The following MEF2A variants were observed in gnomAD, a reference collection of about 807,000 sequenced individuals.
MEF2A encodes the protein myocyte-specific enhancer factor 2A.
In MEF2A, 28 loss-of-function variants were observed where a neutral mutation model predicts 55.8. The observed-to-expected ratio is 0.50, with a 90% CI of 0.37 to 0.69. The LOEUF is 0.69. MEF2A is among the 30% of genes least tolerant of loss of function. The probability of loss-of-function intolerance (pLI) is 0.00; values close to 1 mark genes in which losing one functional copy is unlikely to be tolerated. For synonymous variants in MEF2A, 239 were observed against 227.1 expected, an observed-to-expected ratio of 1.05 and a Z score of -0.47; for missense variants, 528 against 626.2, an observed-to-expected ratio of 0.84 and a Z score of 1.67.
chr15:99,696,450 G>A (rs1407047673), intron 8 of MEF2A, among the ~76,000 whole-genome samples: 5 of 152,054 alleles, frequency 3.3e-5, no homozygotes, highest in African/African-American at 7.2e-5. Context: ...TAACAGAAAG[G>A]TAGTAGGAAA....
intron 2 of MEF2A, among the ~76,000 whole-genome samples, chr15:99,625,407 A>T (rs2041899212): frequency 6.6e-6 from 1 of 152,168 alleles, no homozygotes. Context: ...GACAAAAGAC[A>T]TCATGTCATC....
rs747167624 is a variant in MEF2A, at chr15:99,698,415, T to G, written c.859-4947T>G. 2.0e-5 allele frequency among the ~76,000 whole-genome samples: 3 copies of G among 152,332 alleles called. No individual in the cohort carries two copies. The East Asian group carries it at 5.8e-4, about 29-fold the overall frequency. ...GATGGCAAATAAGTGTATGAAAATA[T>G]GCTCAATATTATCAGGCTTAGGGAA... On this transcript the variant is annotated intron_variant, in intron 8 of 11. Transcript: ENST00000557942.
intron 8 of MEF2A, among the ~76,000 whole-genome samples, chr15:99,691,662 C>T (rs1018295501): frequency 1.3e-5 from 2 of 151,956 alleles, no homozygotes; most frequent in African/African-American, 2.4e-5. Flanking sequence ...CACACCACTG[C>T]ACTCCAGCCT....
chr15:99,651,856 A>T (rs1307859920), intron 4 of MEF2A, among the ~76,000 whole-genome samples: 2 of 152,220 alleles, frequency 1.3e-5, no homozygotes, highest in Non-Finnish European at 2.9e-5. Context: ...ATTGATACAC[A>T]AATGAGAGTT....
chr15:99,657,379 GA>G (rs2047916104), intron 4 of MEF2A: 1 of 151,598 alleles, frequency 6.6e-6, no homozygotes, highest in African/African-American at 2.4e-5. Flanking sequence ...GAAAATGGTT[GA>G]TTTTTTTTAA....
At position 99,712,991 on chromosome 15, in the gene MEF2A, G is replaced by A. The variant is rs555167296; in HGVS notation, c.*220G>A. The A allele has an allele frequency of 8.6e-6, 5 of 579,390 alleles. No homozygotes were observed. In the South Asian group the frequency reaches 1.3e-4, roughly 15 times the overall value. The allele number at this position is 579,390 out of a possible 1,614,324, so 35.9% of individuals were successfully genotyped here. ...GCAAACTCCTTGTAGGTCTGCAGAT[G>A]TGTGTCCCATGGCAGACAAAGCACC... On this transcript the variant is annotated 3_prime_UTR_variant, in exon 12 of 12. Coordinates refer to ENST00000557942, the MANE Select transcript of MEF2A (RefSeq NM_001319206.4). The surrounding 1 kb of genome is among the most constrained non-coding windows in gnomAD (Gnocchi z 4.1).
intron 2 of MEF2A, among the ~76,000 whole-genome samples, chr15:99,604,251 GTTT>G (rs1974299770): frequency 6.6e-6 from 1 of 151,990 alleles, no homozygotes; most frequent in African/African-American, 2.4e-5. Flanking sequence ...CTTACTCCAG[GTTT>G]TTGTTTTTGT....
intron 3 of MEF2A, among the ~76,000 whole-genome samples, chr15:99,641,610 C>CT (rs2044965064): frequency 6.6e-6 from 1 of 152,106 alleles, no homozygotes; most frequent in African/African-American, 2.4e-5. Context: ...GTAGTCCCAG[C>CT]TACTCGGGAG....
At chr15:99,665,169 G>C (rs938443173) in intron 4 of MEF2A, among the ~76,000 whole-genome samples, 10 of 152,148 alleles carry the variant, frequency 6.6e-5, no homozygotes. Flanking sequence ...TCAAAGAAAC[G>C]GAAGTGGATG....
chr15:99,656,921 A>G (rs1436581638), intron 4 of MEF2A, among the ~76,000 whole-genome samples: 1 of 152,002 alleles, frequency 6.6e-6, no homozygotes, highest in Non-Finnish European at 1.5e-5. Flanking sequence ...ATTTTCATCA[A>G]TCCGAAAAGA....
chr15:99,702,576 T>C (rs1273784754), intron 8 of MEF2A, among the ~76,000 whole-genome samples: 1 of 151,964 alleles, frequency 6.6e-6, no homozygotes, highest in Non-Finnish European at 1.5e-5. Flanking sequence ...TATAGGCACC[T>C]GCCACCGCAC....
Position 99,712,540 on chromosome 15 carries a change from G to GCCGCCACCACCGCAGCCC in MEF2A, c.1289_1306dup (p.Pro430_Pro435dup). ...AGCAGCAGCAGCAGCAGCAGCAGCCGCCGCCACCACCGCAGCCCCAGCCAC... is the reference window on the plus strand; with the variant it reads ...AGCAGCAGCAGCAGCAGCAGCAGCCGCCGCCACCACCGCAGCCCCCGCCACCACCGCAGCCCCAGCCAC... On this transcript the variant is annotated inframe_insertion, in exon 12 of 12. Transcript: ENST00000557942. This position sits in a 1 kb window ranked among gnomAD's most constrained non-coding sequence, Gnocchi z 4.1. 1 of 1,547,440 alleles carries GCCGCCACCACCGCAGCCC rather than the reference G, an allele frequency of 6.5e-7. No individual in the cohort carries two copies. Among genetic ancestry groups the GCCGCCACCACCGCAGCCC allele is most frequent in the South Asian group, 1.2e-5 (1 of 83,900 alleles).
chr15:99,646,014 C>T (rs1241398343), intron 4 of MEF2A, among the ~76,000 whole-genome samples: 3 of 152,092 alleles, frequency 2.0e-5, no homozygotes, highest in Non-Finnish European at 4.4e-5. Context: ...AACATTTCAT[C>T]TATGATTACT....
chr15:99,659,842 T>G (rs1339835638), intron 4 of MEF2A, among the ~76,000 whole-genome samples: 1 of 152,152 alleles, frequency 6.6e-6, no homozygotes, highest in African/African-American at 2.4e-5. Flanking sequence ...AAACTTTGAT[T>G]CATTGGACAG....
chr15:99,671,203 C>A, intron 4 of MEF2A, 120 bp from the exon 5 acceptor site: 2 of 1,020,154 alleles, frequency 2.0e-6, no homozygotes, highest in Non-Finnish European at 2.8e-6. Flanking sequence ...CATTTAGAAA[C>A]CGTTTCAGTG....
At chr15:99,593,468 ATATCT>A (rs1970055082) in intron 1 of MEF2A, among the ~76,000 whole-genome samples, 2 of 152,170 alleles carry the variant, frequency 1.3e-5, no homozygotes, top group African/African-American at 4.8e-5. Flanking sequence ...CTGGTAGCAA[ATATCT>A]TAAGGCATGA....
intron 2 of MEF2A, among the ~76,000 whole-genome samples, chr15:99,611,214 C>T (rs112016684): frequency 2.0e-5 from 3 of 152,178 alleles, no homozygotes; most frequent in African/African-American, 7.2e-5. Flanking sequence ...TGGACTCCAG[C>T]CTGGATGACA....
At chr15:99,647,170 C>T (rs1337139717) in intron 4 of MEF2A, among the ~76,000 whole-genome samples, 4 of 151,888 alleles carry the variant, frequency 2.6e-5, no homozygotes, top group Non-Finnish European at 3.0e-5. Flanking sequence ...GACCTTTCCC[C>T]TATTACATGT....
chr15:99,636,510 C>G (rs967660315), intron 3 of MEF2A, among the ~76,000 whole-genome samples: 4 of 152,036 alleles, frequency 2.6e-5, no homozygotes, highest in Non-Finnish European at 5.9e-5. Flanking sequence ...TAGGGCCGAC[C>G]CATTCTTTTA....
Sources: gnomAD v4.1 joint callset for allele counts (sites outside exome capture counted in the v4.1 genomes callset) on GRCh38, gnomAD v4.1.1 for gene constraint, Gnocchi (gnomAD v3.1) non-coding constraint, MANE v1.5 for transcripts, NCBI Gene and HGNC (gene_info 2026-07-23, HGNC 2026-07-21) for gene names.